Variants in ZNF609 observed in about 807,000 individuals in gnomAD.
The protein encoded by ZNF609 is zinc finger protein 609.
Under a neutral mutation model 109.5 loss-of-function variants are expected in ZNF609, and 11 were observed. The observed-to-expected ratio is 0.10, with a 90% confidence interval of 0.06 to 0.17. ZNF609 has a LOEUF of 0.17. Among genes scored for constraint, ZNF609 ranks in the 10% least tolerant of loss-of-function variants. ZNF609 has a pLI of 1.00. For missense variants in ZNF609, 1,559 were observed against 1,772.4 expected (o/e 0.88, Z 2.16); for synonymous variants, 646 against 662.0 (o/e 0.98, Z 0.37).
intron 2 of ZNF609, among the ~76,000 whole-genome samples, chr15:64,554,649 C>T (rs771268990): frequency 6.6e-6 from 1 of 151,700 alleles, no homozygotes; most frequent in Admixed American, 6.6e-5. Context: ...CAGATCAAGA[C>T]CTTGCCTCAA....
rs770080311 is a variant in ZNF609, at chr15:64,674,124, A to G, written c.1270A>G (p.Ser424Gly). 1 of 1,614,230 alleles carries G rather than the reference A, an allele frequency of 6.2e-7. No homozygotes were observed. The highest frequency in any genetic ancestry group is 1.1e-5 in the South Asian group (1 of 91,086). The change falls in exon 5 of 10, where the codon AGC (serine) becomes GGC (glycine). Residue 424 changes from serine to glycine, a missense_variant. This residue lies in a region of ZNF609 where 1,204 missense variants were observed against 1,314.1 expected (regional missense o/e 0.92). Transcript: ENST00000326648. ...TTCTTCAGAGCACCGCCCACCTGCC[A>G]GCAGCACTTCTGAGGATGTCAAGGC... is the stretch of plus-strand genomic sequence containing the variant. ...QNSSEHRPPA[S>G]STSEDVKASP...
chr15:64,547,708 G>A (rs192969783), intron 2 of ZNF609, among the ~76,000 whole-genome samples: 1 of 151,804 alleles, frequency 6.6e-6, no homozygotes, highest in East Asian at 1.9e-4. Context: ...ACCAGGCACT[G>A]TTTTAGTGCT....
intron 2 of ZNF609, among the ~76,000 whole-genome samples, chr15:64,562,565 A>G (rs1894696950): frequency 6.6e-6 from 1 of 152,242 alleles, no homozygotes; most frequent in South Asian, 2.1e-4. Flanking sequence ...TCTATATCAC[A>G]GCCACACAAG....
At chr15:64,609,442 A>T (rs1375388077) in intron 2 of ZNF609, among the ~76,000 whole-genome samples, 1 of 151,344 alleles carries the variant, frequency 6.6e-6, no homozygotes, top group Admixed American at 6.6e-5. Context: ...CGGCCTCTCA[A>T]AGTGCTGGGA....
chr15:64,595,443 G>C (rs974441657), intron 2 of ZNF609, among the ~76,000 whole-genome samples: 1 of 151,964 alleles, frequency 6.6e-6, no homozygotes, highest in Non-Finnish European at 1.5e-5. Flanking sequence ...AGCTGTGCCA[G>C]AGAAAACACC....
intron 1 of ZNF609, among the ~76,000 whole-genome samples, chr15:64,466,116 C>A (rs1456847829): frequency 4.1e-3 from 338 of 81,716 alleles, no homozygotes; most frequent in African/African-American, 7.0e-3. Context: ...AACCCTGTCT[C>A]AAAAAAAAAA....
At chr15:64,510,537 T>G (rs1252355347) in intron 2 of ZNF609, among the ~76,000 whole-genome samples, 1 of 152,120 alleles carries the variant, frequency 6.6e-6, no homozygotes, top group African/African-American at 2.4e-5. Flanking sequence ...CTGCTCTTAC[T>G]GTGTCTAATT....
At chr15:64,520,833 A>T (rs1213479897) in intron 2 of ZNF609, among the ~76,000 whole-genome samples, 1 of 152,174 alleles carries the variant, frequency 6.6e-6, no homozygotes, top group South Asian at 2.1e-4. Flanking sequence ...ATAAGCTCTG[A>T]GTACGGGACA....
intron 2 of ZNF609, among the ~76,000 whole-genome samples, chr15:64,525,544 G>T (rs2140367638): frequency 6.6e-6 from 1 of 152,156 alleles, no homozygotes; most frequent in East Asian, 1.9e-4. Context: ...GATCGTTTTG[G>T]CTATTCTGAG....
chr15:64,547,890 G>A (rs373408068), intron 2 of ZNF609, among the ~76,000 whole-genome samples: 2 of 152,068 alleles, frequency 1.3e-5, no homozygotes, highest in African/African-American at 4.8e-5. Flanking sequence ...CAGGAGGACG[G>A]GGGTGTAGAG....
In ZNF609 at chr15:64,675,772, A is replaced by G; in HGVS notation, c.2918A>G (p.Tyr973Cys). ...CCCAATATGTACATGCAGTCCCTGT[A>G]CTACAACCAGTATGCCTATGTACCC... ...QRPNMYMQSL[Y>C]YNQYAYVPPY... The change falls in exon 5 of 10, where the codon TAC (tyrosine) becomes TGC (cysteine). Residue 973 changes from tyrosine (Y) to cysteine (C), a missense_variant. Transcript: ENST00000326648. 6.2e-7 allele frequency: 1 copy of G among 1,614,224 alleles called. No individual in the cohort carries two copies. Among genetic ancestry groups the G allele is most frequent in the South Asian group, 1.1e-5 (1 of 91,086 alleles).
chr15:64,513,286 A>G (rs1472099872), intron 2 of ZNF609, among the ~76,000 whole-genome samples: 3 of 152,250 alleles, frequency 2.0e-5, no homozygotes, highest in African/African-American at 4.8e-5. Context: ...TTTCATCACT[A>G]TGCAGATTCC....
chr15:64,564,777 T>C (rs1360291635), intron 2 of ZNF609, among the ~76,000 whole-genome samples: 1 of 152,074 alleles, frequency 6.6e-6, no homozygotes, highest in Admixed American at 6.5e-5. Flanking sequence ...CCTCCCTTCA[T>C]CCACTAGATT....
intron 2 of ZNF609, among the ~76,000 whole-genome samples, chr15:64,579,433 C>T (rs1055518690): frequency 6.7e-6 from 1 of 150,022 alleles, no homozygotes; most frequent in African/African-American, 2.5e-5. Flanking sequence ...AAAAAAGTAG[C>T]CAGACCTACT....
intron 2 of ZNF609, among the ~76,000 whole-genome samples, chr15:64,571,480 TATATA>T (rs971117010): frequency 9.9e-5 from 15 of 152,008 alleles, no homozygotes; most frequent in Non-Finnish European, 2.9e-5. Context: ...TTTATATTTT[TATATA>T]ATATATTTTT....
intron 3 of ZNF609, among the ~76,000 whole-genome samples, chr15:64,662,827 C>G (rs1424435119): frequency 6.6e-6 from 1 of 151,912 alleles, no homozygotes; most frequent in Admixed American, 6.6e-5. Flanking sequence ...CACTACTGCC[C>G]GGCTAATTTT....
intron 2 of ZNF609, among the ~76,000 whole-genome samples, chr15:64,538,483 A>T (rs1003913157): frequency 6.6e-6 from 1 of 152,238 alleles, no homozygotes; most frequent in Non-Finnish European, 1.5e-5. Context: ...GGCAGAAGCC[A>T]GAGAGTTTAG....
intron 2 of ZNF609, among the ~76,000 whole-genome samples, chr15:64,615,675 C>T (rs1012777433): frequency 2.0e-5 from 3 of 151,904 alleles, no homozygotes; most frequent in Admixed American, 6.6e-5. Context: ...ATAGTAGAGA[C>T]GGGGTTTTGC....
At chr15:64,515,278 AAG>A (rs1893789982) in intron 2 of ZNF609, among the ~76,000 whole-genome samples, 1 of 152,178 alleles carries the variant, frequency 6.6e-6, no homozygotes, top group African/African-American at 2.4e-5. Context: ...ACCTTATTCG[AAG>A]GCTTGGTGCT....
Sources: gnomAD v4.1 joint callset for allele counts (sites outside exome capture counted in the v4.1 genomes callset) on GRCh38, gnomAD v4.1.1 for gene constraint, gnomAD v4.1.1 regional missense constraint, MANE v1.5 for transcripts, NCBI Gene and HGNC (gene_info 2026-07-23, HGNC 2026-07-21) for gene names.